Variants in CDK20 observed in about 807,000 individuals in gnomAD.
The protein encoded by CDK20 is cyclin-dependent kinase 20.
Under a neutral mutation model 38.6 loss-of-function variants are expected in CDK20, and 40 were observed. That is an observed-to-expected ratio of 1.04 (90% CI 0.81 to 1.35). The LOEUF is 1.35. Ranked by LOEUF, CDK20 falls within the 40% of genes most tolerant of loss-of-function variation. The probability of loss-of-function intolerance (pLI) is 0.00; values close to 1 mark genes in which losing one functional copy is unlikely to be tolerated. For missense variants in CDK20, 512 were observed against 452.6 expected, an observed-to-expected ratio of 1.13 and a Z score of -1.19; for synonymous variants, 209 against 185.7, an observed-to-expected ratio of 1.13 and a Z score of -1.02.
chr9:87,969,788 C>G lies in CDK20; in HGVS notation c.687+8G>C, dbSNP rs532415024. 6.2e-6 allele frequency: 10 copies of G among 1,613,650 alleles called. No homozygotes were observed. The East Asian group carries it at 2.2e-4, about 36-fold the overall frequency. The stretch of plus-strand genomic sequence containing the variant: ...CCCACACCCACCTCACCAAGGGCCC[C>G]TACAAACCGGCCAGACTTGAGGGTT... On this transcript the variant is annotated splice_region_variant and intron_variant, in intron 6 of 7. Transcript: ENST00000325303.
chr9:87,974,329 GGGGCACACCCCCGCCAGGCTGCC>G lies in CDK20; in HGVS notation c.75+20_75+42del. On this transcript the variant is annotated intron_variant, in intron 1 of 7. Transcript: ENST00000325303. ...TTAGAGCGTTAGCCGGAGGGTGGCG[GGGGCACACCCCCGCCAGGCTGCC>G]GGCCGCGGTCCAGCCTCACCTCCAC... The G allele has an allele frequency of 6.3e-7, 1 of 1,587,350 alleles. No individual in the cohort carries two copies.
At chr9:87,973,273 G>T (rs748809596) in intron 2 of CDK20, among the ~76,000 whole-genome samples, 3 of 152,082 alleles carry the variant, frequency 2.0e-5, no homozygotes, top group Non-Finnish European at 4.4e-5. Context: ...GCCCCTCCCG[G>T]TACCCTATCA....
At chr9:87,969,709 A>C in intron 6 of CDK20, 87 bp downstream of exon 6, 2 of 1,582,926 alleles carry the variant, frequency 1.3e-6, no homozygotes, top group Non-Finnish European at 1.7e-6. Context: ...GCCAGGAGAG[A>C]GAAGGTTCAG....
chr9:87,971,149 G>A lies in CDK20; in HGVS notation c.376C>T (p.Arg126Trp), dbSNP rs760931795. 3.4e-5 allele frequency: 55 copies of A among 1,613,424 alleles called. No homozygotes were observed. The highest frequency in any genetic ancestry group is 1.6e-4 in the Middle Eastern group (1 of 6,082). ...AFCHANNIVH[R>W]DLKPANLLIS... The stretch of plus-strand genomic sequence containing the variant: ...GCCCGGCCTATGCTGAGACTGACCC[G>A]ATGTACAATGTTGTTGGCATGGCAG... The change falls in exon 3 of 8, where the codon CGG becomes TGG. Residue 126 changes from arginine (R) to tryptophan (W), a missense_variant and splice_region_variant. Physicochemically the swap from Arg to Trp is moderately radical, Grantham distance 101. Transcript: ENST00000325303.
At chr9:87,974,194 G>A (rs561664252) in intron 1 of CDK20, 159 bp from the exon 2 acceptor site, 92 of 1,345,592 alleles carry the variant, frequency 6.8e-5, no homozygotes, top group Admixed American at 1.1e-4. Flanking sequence ...AGCCGCTGGG[G>A]TAGGGGACCA....
Position 87,974,482 on chromosome 9 carries a change from T to C in CDK20, c.-36A>G. The C allele has an allele frequency of 6.3e-7, 1 of 1,583,584 alleles. No individual in the cohort carries two copies. The highest frequency in any genetic ancestry group is 8.6e-7 in the Non-Finnish European group (1 of 1,162,318). ...TCGTGGGCCTGTGCCCCTGTGCCCC[T>C]GAACTTCCAAACTCCACTTCTCCTC... On this transcript the variant is annotated 5_prime_UTR_variant, in exon 1 of 8. Transcript: ENST00000325303.
rs748332147 is a variant in CDK20 at position 87,969,810 on chromosome 9, G to A, written c.673C>T (p.Pro225Ser). 3.1e-5 allele frequency: 50 copies of A among 1,613,646 alleles called. No homozygotes were observed. The Admixed American group carries it at 8.0e-4, about 26-fold the overall frequency. The change falls in exon 6 of 8, where the codon CCT becomes TCT. Residue 225 changes from proline (P) to serine (S), a missense_variant. Transcript: ENST00000325303. ...CCCCTACAAACCGGCCAGACTTGAG[G>A]GTTTGGGGTGCCCAAGATGCGAAGC... ...YVLRILGTPN[P>S]QVWPELTELP... is the part of the protein sequence containing the mutation.
At chr9:87,969,532 CCT>C (rs1829701170) in intron 6 of CDK20, 183 bp from the exon 7 acceptor site, 2 of 788,606 alleles carry the variant, frequency 2.5e-6, no homozygotes, top group South Asian at 1.8e-5. Context: ...ATCCCCTTGC[CCT>C]CTCAGATGAC....
Position 87,970,778 on chromosome 9 carries a change from G to C in CDK20, c.498C>G (p.Thr166=). The C allele has an allele frequency of 6.2e-7, 1 of 1,614,128 alleles. No homozygotes were observed. Among genetic ancestry groups the C allele is most frequent in the Non-Finnish European group, 8.5e-7 (1 of 1,179,992 alleles). ...GSRLYTHQVA[T]RWYRAPELLY... ...GGAAGGGATCTGGCCCTCCCTACCT[G>C]GTGGCCACCTGGTGTGTGTAGAGGC... Residue 166 remains threonine (T), a splice_region_variant and synonymous_variant, in exon 4 of 8, where the codon ACC becomes ACG. Coordinates refer to ENST00000325303, the MANE Select transcript of CDK20 (RefSeq NM_001039803.3).
chr9:87,969,422 C>T (rs1829691293), intron 6 of CDK20, 73 bp from the exon 7 acceptor site: 1 of 1,520,514 alleles, frequency 6.6e-7, no homozygotes, highest in Non-Finnish European at 9.0e-7. Context: ...GCTGTCAACT[C>T]TCAGCCCCTA....
chr9:87,970,818 G>A lies in CDK20; in HGVS notation c.458C>T (p.Ser153Phe), dbSNP rs533645713. 4.2e-5 allele frequency: 68 copies of A among 1,614,096 alleles called. 1 individual carries two copies. The South Asian group carries it at 7.1e-4, about 17-fold the overall frequency. ...TGTGTAGAGGCGGCTGCCGTCTGGG[G>A]AAAAGACTCGAGCCAGGCCAAAGTC... ...IADFGLARVFSPDGSRLYTHQ... is the reference protein window; with the variant it reads ...IADFGLARVFFPDGSRLYTHQ... Residue 153 changes from serine to phenylalanine, a missense_variant, in exon 4 of 8, where the codon TCC becomes TTC. Transcript: ENST00000325303.
chr9:87,971,612 T>G (rs1175966958), intron 2 of CDK20, among the ~76,000 whole-genome samples: 3 of 152,154 alleles, frequency 2.0e-5, no homozygotes. Flanking sequence ...CCACCCAGCC[T>G]ACCCGCCTGA....
chr9:87,967,570 G>T lies in CDK20; in HGVS notation c.933C>A (p.Pro311=), dbSNP rs1465963663. 3 of 1,549,616 alleles carry T rather than the reference G, an allele frequency of 1.9e-6. No homozygotes were observed. Among genetic ancestry groups the T allele is most frequent in the Non-Finnish European group, 2.6e-6 (3 of 1,145,732 alleles). ...TGTGGGGGGGCCCTGGATGGGCCTT[G>T]GGGGCAGGTCCCCCTAGACGCTGAG... The part of the protein sequence containing the change: ...PIPQRLGGPA[P]KAHPGPPHIH... Residue 311 remains proline, a synonymous_variant, in exon 8 of 8, where the codon CCC becomes CCA. Coordinates refer to ENST00000325303, the MANE Select transcript of CDK20 (RefSeq NM_001039803.3).
Position 87,973,913 on chromosome 9 carries a change from C to A in CDK20, c.189+9G>T, listed in dbSNP as rs371560327. ...GGTGAGAATACCATGCCCCCCCTCC[C>A]CTACTCACATACTGATTGTCCTCCA... is the stretch of plus-strand genomic sequence containing the variant. On this transcript the variant is annotated intron_variant, in intron 2 of 7. Coordinates refer to ENST00000325303, the MANE Select transcript of CDK20 (RefSeq NM_001039803.3). 8 of 1,612,970 alleles carry A rather than the reference C, an allele frequency of 5.0e-6. No homozygotes were observed. Among genetic ancestry groups the A allele is most frequent in the Non-Finnish European group, 5.9e-6 (7 of 1,179,478 alleles).
intron 6 of CDK20, 163 bp downstream of exon 6, chr9:87,969,631 GAC>G: frequency 8.9e-7 from 1 of 1,119,008 alleles, no homozygotes; most frequent in East Asian, 2.4e-5. Context: ...CAACCCAAAT[GAC>G]AGCAGGAAGG....
chr9:87,973,020 A>G (rs1587628378), intron 2 of CDK20, among the ~76,000 whole-genome samples: 1 of 152,240 alleles, frequency 6.6e-6, no homozygotes, highest in Non-Finnish European at 1.5e-5. Flanking sequence ...ACTTTACAAC[A>G]GATATGGCAC....
Position 87,967,006 on chromosome 9 carries a change from G to A in CDK20, c.*456C>T. Reference sequence around the variant, plus strand: ...TTTTAGAATCTATATCTCACATACTGAACTAGTGTTTAATGGCTCTGAGAA... The same window carrying A: ...TTTTAGAATCTATATCTCACATACTAAACTAGTGTTTAATGGCTCTGAGAA... On this transcript the variant is annotated 3_prime_UTR_variant, in exon 8 of 8. Transcript: ENST00000325303. 1 of 495,422 alleles carries A rather than the reference G, an allele frequency of 2.0e-6. No individual in the cohort carries two copies. Among genetic ancestry groups the A allele is most frequent in the Non-Finnish European group, 4.0e-6 (1 of 247,946 alleles). The allele number at this position is 495,422 out of a possible 1,614,324, so 30.7% of individuals were successfully genotyped here.
At chr9:87,973,898 C>G in intron 2 of CDK20, 24 bp downstream of exon 2, 1 of 1,603,160 alleles carries the variant, frequency 6.2e-7, no homozygotes. Flanking sequence ...GGTGAGAATA[C>G]CATGCCCCCC....
chr9:87,970,189 G>T, intron 5 of CDK20: 1 of 451,168 alleles, frequency 2.2e-6, no homozygotes. Flanking sequence ...CAGACCCATG[G>T]GCACTGCCAA....
Sources: gnomAD v4.1 joint callset for allele counts (sites outside exome capture counted in the v4.1 genomes callset) on GRCh38, gnomAD v4.1.1 for gene constraint, MANE v1.5 for transcripts, NCBI Gene and HGNC (gene_info 2026-07-23, HGNC 2026-07-21) for gene names.